The following FBXL20 variants were observed in gnomAD, a reference collection of about 807,000 sequenced individuals.
FBXL20 encodes the protein F-box/LRR-repeat protein 20.
Under a neutral mutation model 64.0 loss-of-function variants are expected in FBXL20, and 11 were observed. That is an observed-to-expected ratio of 0.17 (90% CI 0.11 to 0.28). The LOEUF (loss-of-function observed/expected upper bound fraction) is 0.28, where lower values mean the gene tolerates loss of function less well. FBXL20 is among the 10% of genes least tolerant of loss of function. The pLI, the probability that FBXL20 is intolerant of heterozygous loss-of-function variation, is 1.00. For missense variants in FBXL20, 303 were observed against 526.2 expected, an observed-to-expected ratio of 0.58 and a Z score of 4.15; for synonymous variants, 184 against 189.0, an observed-to-expected ratio of 0.97 and a Z score of 0.22.
rs993086799 is a variant in FBXL20, at chr17:39,257,254, T to C, written c.*4206A>G. On this transcript the variant is annotated 3_prime_UTR_variant, in exon 15 of 15. Coordinates refer to ENST00000264658, the MANE Select transcript of FBXL20 (RefSeq NM_032875.3). The stretch of plus-strand genomic sequence containing the variant: ...ACCGTGCCGGGCCATAACAATGCAT[T>C]TTACAAGGCAATTAGAAGTAATAAA... The C allele has an allele frequency of 2.6e-5, 4 of 152,186 alleles. No individual in the cohort carries two copies. Among genetic ancestry groups the C allele is most frequent in the African/African-American group, 7.2e-5 (3 of 41,436 alleles). The allele number at this position is 152,186 out of a possible 1,614,324, so 9.4% of individuals were successfully genotyped here.
In FBXL20 at chr17:39,299,101, G is replaced by A. The variant is rs775289532; in HGVS notation, c.235-17C>T. Reference sequence around the variant, plus strand: ...TACTCGGCCCTGTAAAATGAGACAGGCAAACAAAAAGATAACCCACCTCAT... The same window carrying A: ...TACTCGGCCCTGTAAAATGAGACAGACAAACAAAAAGATAACCCACCTCAT... On this transcript the variant is annotated splice_polypyrimidine_tract_variant and intron_variant, in intron 4 of 14. Transcript: ENST00000264658. 3.8e-6 allele frequency: 6 copies of A among 1,561,358 alleles called. No individual in the cohort carries two copies. Among genetic ancestry groups the A allele is most frequent in the Admixed American group, 3.7e-5 (2 of 54,446 alleles).
In FBXL20 at chr17:39,388,652, T is replaced by C. The variant is rs149694947; in HGVS notation, c.42+12709A>G. Among the ~76,000 whole-genome samples, 950 of 150,864 alleles carry C rather than the reference T, an allele frequency of 6.3e-3. 16 individuals carry two copies. Among genetic ancestry groups the C allele is most frequent in the African/African-American group, 0.022 (908 of 41,358 alleles). Reference sequence around the variant, plus strand: ...GCGCCCGCCACCATGCCCAGCTAATTTTTATACTTTTAATAGAGACGGGGT... The same window carrying C: ...GCGCCCGCCACCATGCCCAGCTAATCTTTATACTTTTAATAGAGACGGGGT... On this transcript the variant is annotated intron_variant, in intron 1 of 14. Coordinates refer to ENST00000264658, the MANE Select transcript of FBXL20 (RefSeq NM_032875.3).
In FBXL20 at chr17:39,339,292, T is replaced by A. The variant is rs2047559193; in HGVS notation, c.104+3888A>T. Among the ~76,000 whole-genome samples the A allele has an allele frequency of 2.0e-5, 3 of 150,588 alleles. No individual in the cohort carries two copies. The South Asian group carries it at 6.3e-4, about 32-fold the overall frequency. On this transcript the variant is annotated intron_variant, in intron 2 of 14. Coordinates refer to ENST00000264658, the MANE Select transcript of FBXL20 (RefSeq NM_032875.3). ...AAGAGTAGCCTGGGTAACATAGCAA[T>A]ACCCCATCTCTATGAAAATTTAAAA...
chr17:39,279,499 C>CA lies in FBXL20; in HGVS notation c.696+1889dup, dbSNP rs751006109. Among the ~76,000 whole-genome samples the CA allele has an allele frequency of 3.5e-3, 352 of 100,104 alleles. 2 individuals are homozygous for CA. Among genetic ancestry groups the CA allele is most frequent in the Middle Eastern group, 0.011 (2 of 176 alleles). 65.7% of individuals were successfully genotyped at this position (100,104 alleles called of 152,430 possible). A position where few individuals can be genotyped will look rare whatever the true frequency, so the allele number is the denominator to read the frequency against. The stretch of plus-strand genomic sequence containing the variant: ...TGAGTGACAGAGTGAGACTTCACCT[C>CA]AAAAAAAAAAAAAAAGGAACTTATC... On this transcript the variant is annotated intron_variant, in intron 9 of 14. Transcript: ENST00000264658.
chr17:39,333,702 G>A lies in FBXL20; in HGVS notation c.104+9478C>T, dbSNP rs1440700099. On this transcript the variant is annotated intron_variant, in intron 2 of 14. Transcript: ENST00000264658. ...CGTCATCCCGTCTAGGAAGTGAGGA[G>A]CGTCTCTGCCCGGCCGCCCATCATC... 7.9e-5 allele frequency among the ~76,000 whole-genome samples: 12 copies of A among 152,142 alleles called. No individual in the cohort carries two copies. In the South Asian group the frequency reaches 8.3e-4, roughly 11 times the overall value.
intron 2 of FBXL20, among the ~76,000 whole-genome samples, chr17:39,311,479 C>G (rs1358843193): frequency 6.6e-6 from 1 of 151,890 alleles, no homozygotes; most frequent in Admixed American, 6.6e-5. Context: ...ATCAAATAAC[C>G]AGGAAAGGTT....
chr17:39,338,052 T>G (rs930117560), intron 2 of FBXL20, among the ~76,000 whole-genome samples: 2 of 152,162 alleles, frequency 1.3e-5, no homozygotes, highest in African/African-American at 4.8e-5. Flanking sequence ...AACAGCTCAT[T>G]GAGAACGGGC....
chr17:39,375,213 T>C (rs1370048275), intron 1 of FBXL20, among the ~76,000 whole-genome samples: 1 of 152,166 alleles, frequency 6.6e-6, no homozygotes, highest in Admixed American at 6.6e-5. Flanking sequence ...CCCAAGTAGT[T>C]GTTGCGGCCA....
At position 39,314,795 on chromosome 17, in the gene FBXL20, C is replaced by CTTTTTTTT. The variant is rs59955109; in HGVS notation, c.105-11164_105-11157dup. 3.2e-5 allele frequency among the ~76,000 whole-genome samples: 4 copies of CTTTTTTTT among 125,962 alleles called. 1 individual carries two copies. The highest frequency in any genetic ancestry group is 9.2e-5 in the African/African-American group (3 of 32,458). The allele number at this position is 125,962 out of a possible 152,430, so 82.6% of individuals were successfully genotyped here. On this transcript the variant is annotated intron_variant, in intron 2 of 14. Coordinates refer to ENST00000264658, the MANE Select transcript of FBXL20 (RefSeq NM_032875.3). The stretch of plus-strand genomic sequence containing the variant: ...GGTTTTAATTTCTCCATATCCTTTT[C>CTTTTTTTT]TTTTTTTTTTTTTTTTTTGAAATGG...
chr17:39,297,032 A>C (rs954077773), intron 6 of FBXL20, 95 bp downstream of exon 6: 6 of 678,692 alleles, frequency 8.8e-6, no homozygotes, highest in Non-Finnish European at 1.4e-5. Flanking sequence ...AACCAAGATA[A>C]AATTTGCTCA....
rs1302036672 is a variant in FBXL20 at position 39,371,501 on chromosome 17, A to C, written c.43-28260T>G. ...AAGGAGATGGGGAACTACACTACTAATTGTATAGACTTCTCACTTAATTGG... is the reference window on the plus strand; with the variant it reads ...AAGGAGATGGGGAACTACACTACTACTTGTATAGACTTCTCACTTAATTGG... On this transcript the variant is annotated intron_variant, in intron 1 of 14. Coordinates refer to ENST00000264658, the MANE Select transcript of FBXL20 (RefSeq NM_032875.3). Among the ~76,000 whole-genome samples, 4 of 151,974 alleles carry C rather than the reference A, an allele frequency of 2.6e-5. No homozygotes were observed. In the East Asian group the frequency reaches 7.7e-4, roughly 29 times the overall value.
intron 7 of FBXL20, among the ~76,000 whole-genome samples, chr17:39,283,123 T>C (rs2046961635): frequency 6.6e-6 from 1 of 152,190 alleles, no homozygotes; most frequent in Non-Finnish European, 1.5e-5. Flanking sequence ...TTTGTACTTA[T>C]CACATATCTC....
chr17:39,362,397 C>T (rs562488554), intron 1 of FBXL20, among the ~76,000 whole-genome samples: 2 of 152,224 alleles, frequency 1.3e-5, no homozygotes, highest in African/African-American at 4.8e-5. Flanking sequence ...CCCAGGAGTT[C>T]GAGACCAGCC....
chr17:39,291,164 T>C (rs1007181002), intron 6 of FBXL20, among the ~76,000 whole-genome samples: 3 of 151,762 alleles, frequency 2.0e-5, no homozygotes, highest in Non-Finnish European at 4.4e-5. Context: ...GGTTTCACCA[T>C]GTTAGCCAGG....
chr17:39,386,689 C>T (rs2048084135), intron 1 of FBXL20, among the ~76,000 whole-genome samples: 1 of 152,020 alleles, frequency 6.6e-6, no homozygotes. Context: ...TTAAAGAGTA[C>T]CATTAGCATG....
At chr17:39,392,736 G>A (rs2048146529) in intron 1 of FBXL20, among the ~76,000 whole-genome samples, 1 of 152,066 alleles carries the variant, frequency 6.6e-6, no homozygotes, top group African/African-American at 2.4e-5. Context: ...ACTGAGGCTG[G>A]GCGAGGCGGC....
chr17:39,399,170 G>A (rs576831602), intron 1 of FBXL20, among the ~76,000 whole-genome samples: 3 of 151,812 alleles, frequency 2.0e-5, no homozygotes, highest in Admixed American at 6.6e-5. Context: ...TTTGAAATTA[G>A]CTATTATGTG....
At chr17:39,349,819 C>G (rs914355293) in intron 1 of FBXL20, among the ~76,000 whole-genome samples, 3 of 151,918 alleles carry the variant, frequency 2.0e-5, no homozygotes, top group African/African-American at 7.3e-5. Flanking sequence ...GCTTGTAGTC[C>G]CAGCTACTCA....
intron 3 of FBXL20, among the ~76,000 whole-genome samples, chr17:39,301,663 G>C (rs188502615): frequency 1.3e-5 from 2 of 152,028 alleles, no homozygotes; most frequent in Non-Finnish European, 2.9e-5. Flanking sequence ...GGGAGGCGGA[G>C]GTTGCAGTGA....
Sources: gnomAD v4.1 joint callset for allele counts (sites outside exome capture counted in the v4.1 genomes callset) on GRCh38, gnomAD v4.1.1 for gene constraint, MANE v1.5 for transcripts, NCBI Gene and HGNC (gene_info 2026-07-23, HGNC 2026-07-21) for gene names.